Variants in ZNF469 observed in about 807,000 individuals in gnomAD.
ZNF469 encodes the protein zinc finger protein 469.
Under a neutral mutation model 1.0 loss-of-function variants are expected in ZNF469, and 1 was observed. That is an observed-to-expected ratio of 1.00 (90% CI 0.35 to 4.73). The LOEUF (loss-of-function observed/expected upper bound fraction) is 4.73, where lower values mean the gene tolerates loss of function less well. Ranked by LOEUF, ZNF469 falls within the 30% of genes most tolerant of loss-of-function variation. The pLI is 0.16. For synonymous variants in ZNF469, 2,703 were observed against 2,363.4 expected (o/e 1.14, Z -4.17); for missense variants, 6,100 against 5,356.3 (o/e 1.14, Z -4.33).
chr16:88,226,479 A>G, the ZNF469 span, among the ~76,000 whole-genome samples: 1 of 152,164 alleles, frequency 6.6e-6, no homozygotes, highest in African/African-American at 2.4e-5. Flanking sequence ...CAGCGCCTCC[A>G]GAAGGAGCCG....
At chr16:88,220,453 G>A in the ZNF469 span, among the ~76,000 whole-genome samples, 2 of 152,198 alleles carry the variant, frequency 1.3e-5, no homozygotes, top group African/African-American at 4.8e-5. Flanking sequence ...TTCTTGCCCG[G>A]ATGAAGTGTG....
the ZNF469 span, among the ~76,000 whole-genome samples, chr16:88,170,868 T>G: frequency 6.6e-6 from 1 of 151,930 alleles, no homozygotes; most frequent in Non-Finnish European, 1.5e-5. This position sits in a 1 kb window ranked among gnomAD's most constrained non-coding sequence, Gnocchi z 4.2. Flanking sequence ...TAACTGACTT[T>G]CCCTCCAACC....
the ZNF469 span, among the ~76,000 whole-genome samples, chr16:88,305,440 A>G: frequency 6.7e-6 from 1 of 149,596 alleles, no homozygotes; most frequent in African/African-American, 2.5e-5. Context: ...ACACACGTGC[A>G]CACATGCTCA....
the ZNF469 span, among the ~76,000 whole-genome samples, chr16:88,350,707 C>T: frequency 6.6e-6 from 1 of 152,340 alleles, no homozygotes; most frequent in South Asian, 2.1e-4. Context: ...CTCCTCAATG[C>T]TGAGCCAACC....
At chr16:88,161,892 C>T in the ZNF469 span, among the ~76,000 whole-genome samples, 1 of 152,102 alleles carries the variant, frequency 6.6e-6, no homozygotes, top group East Asian at 1.9e-4. Flanking sequence ...CTGATGGAGT[C>T]CACATTTTTA....
the ZNF469 span, among the ~76,000 whole-genome samples, chr16:88,241,502 T>C: frequency 6.6e-6 from 1 of 152,034 alleles, no homozygotes. This position sits in a 1 kb window ranked among gnomAD's most constrained non-coding sequence, Gnocchi z 4.8. Flanking sequence ...TGGGCTCAGG[T>C]GTCACCAGGG....
In ZNF469 at chr16:88,436,958, T is replaced by C; in HGVS notation, c.9488T>C (p.Leu3163Pro). The C allele has an allele frequency of 1.3e-6, 2 of 1,498,352 alleles. No homozygotes were observed. The highest frequency in any genetic ancestry group is 1.8e-6 in the Non-Finnish European group (2 of 1,125,324). 92.8% of individuals were successfully genotyped at this position (1,498,352 alleles called of 1,614,324 possible). Reference sequence around the variant, plus strand: ...TCGCGGGAGCTGCTGCGGGGGCACCTGCAGGAGAGGCACGCGCAGAGCAAG... The same window carrying C: ...TCGCGGGAGCTGCTGCGGGGGCACCCGCAGGAGAGGCACGCGCAGAGCAAG... The part of the protein sequence containing the change: ...FGSRELLRGH[L>P]QERHAQSKAG... Residue 3163 changes from leucine to proline, a missense_variant, in exon 3 of 3, where the codon CTG (leucine) becomes CCG (proline). Coordinates refer to ENST00000565624, the MANE Select transcript of ZNF469 (RefSeq NM_001367624.2).
chr16:88,318,695 G>A, the ZNF469 span, among the ~76,000 whole-genome samples: 3 of 117,740 alleles, frequency 2.5e-5, no homozygotes, highest in Admixed American at 8.1e-5. Context: ...GCTCAGCCAC[G>A]GCTGGCTGCT....
At chr16:88,354,996 C>T in the ZNF469 span, among the ~76,000 whole-genome samples, 1 of 152,150 alleles carries the variant, frequency 6.6e-6, no homozygotes, top group Non-Finnish European at 1.5e-5. Flanking sequence ...CCCTTGTCCC[C>T]GCTAGGGGAA....
chr16:88,174,518 T>C, the ZNF469 span, among the ~76,000 whole-genome samples: 4 of 108,388 alleles, frequency 3.7e-5, no homozygotes, highest in Admixed American at 9.9e-5. Context: ...ATCTATCATC[T>C]ATCTGTAGTT....
chr16:88,155,019 C>T, the ZNF469 span, among the ~76,000 whole-genome samples: 5,270 of 152,290 alleles, frequency 0.035, 286 homozygotes, highest in African/African-American at 0.12. Flanking sequence ...ATGCAGATCC[C>T]GTCTGCAGGT....
intron 1 of ZNF469, among the ~76,000 whole-genome samples, chr16:88,389,266 C>G (rs1345021881): frequency 6.6e-6 from 1 of 152,256 alleles, no homozygotes; most frequent in Non-Finnish European, 1.5e-5. Flanking sequence ...ACATCCCGCT[C>G]GTTTGTGACT....
the ZNF469 span, among the ~76,000 whole-genome samples, chr16:88,369,476 A>C: frequency 6.6e-6 from 1 of 152,306 alleles, no homozygotes; most frequent in East Asian, 1.9e-4. Context: ...CCCAAGCCAC[A>C]TGAGGAGAAT....
chr16:88,266,224 AGGCC>A, the ZNF469 span, among the ~76,000 whole-genome samples: 2 of 152,226 alleles, frequency 1.3e-5, no homozygotes, highest in East Asian at 3.8e-4. Context: ...GGCCACTGGG[AGGCC>A]GGGTTCACGC....
chr16:88,341,596 A>T, the ZNF469 span, among the ~76,000 whole-genome samples: 1 of 152,130 alleles, frequency 6.6e-6, no homozygotes. Flanking sequence ...TAACTCCCGC[A>T]CGGCTCACAG....
chr16:88,162,931 G>C, the ZNF469 span, among the ~76,000 whole-genome samples: 2 of 152,202 alleles, frequency 1.3e-5, no homozygotes, highest in Non-Finnish European at 2.9e-5. Context: ...AGCAACACAA[G>C]GCCCTTTAAA....
chr16:88,419,314 C>T (rs181951231), intron 1 of ZNF469, among the ~76,000 whole-genome samples: 12 of 152,294 alleles, frequency 7.9e-5, no homozygotes, highest in Admixed American at 1.3e-4. Flanking sequence ...CGGAGGGAAC[C>T]GACAGACTGG....
intron 1 of ZNF469, among the ~76,000 whole-genome samples, chr16:88,394,122 C>T (rs75991459): frequency 0.16 from 18,626 of 116,432 alleles, 4,792 homozygotes; most frequent in Non-Finnish European, 0.21. Flanking sequence ...CTGAGAGGAG[C>T]GGGGTTTGAC....
chr16:88,243,441 C>T, the ZNF469 span, among the ~76,000 whole-genome samples: 2 of 152,206 alleles, frequency 1.3e-5, no homozygotes, highest in African/African-American at 4.8e-5. Context: ...AGGCACAGAG[C>T]GTCCATCAGT....
Sources: allele counts gnomAD v4.1 joint callset (sites outside exome capture counted in the v4.1 genomes callset), GRCh38; gene constraint gnomAD v4.1.1; non-coding constraint Gnocchi (gnomAD v3.1); transcripts MANE v1.5; gene names NCBI Gene and HGNC (gene_info 2026-07-23, HGNC 2026-07-21).